The following ITGA9 variants were observed in gnomAD, a reference collection of about 807,000 sequenced individuals.
The protein encoded by ITGA9 is integrin subunit alpha 9, also known as integrin alpha-9.
In ITGA9, 56 loss-of-function variants were observed where a neutral mutation model predicts 127.8. That is an observed-to-expected ratio of 0.44 (90% confidence interval 0.35 to 0.55). ITGA9 has a LOEUF of 0.55. Ranked by LOEUF, ITGA9 falls within the 20% of genes least tolerant of loss-of-function variation. The pLI is 0.00. For missense variants in ITGA9, 1,196 were observed against 1,347.1 expected (o/e 0.89, Z 1.76); for synonymous variants, 508 against 514.5 (o/e 0.99, Z 0.17).
Position 37,822,271 on chromosome 3 carries a change from T to A in ITGA9, c.*3282T>A, listed in dbSNP as rs1021534589. On this transcript the variant is annotated 3_prime_UTR_variant, in exon 28 of 28. Coordinates refer to ENST00000264741, the MANE Select transcript of ITGA9 (RefSeq NM_002207.3). Reference sequence around the variant, plus strand: ...TCAGAGAACTGAAATGGTTTTTAAATATGAAAAAGGACCTTTGTAAAAATG... The same window carrying A: ...TCAGAGAACTGAAATGGTTTTTAAAAATGAAAAAGGACCTTTGTAAAAATG... 1 of 152,188 alleles carries A rather than the reference T, an allele frequency of 6.6e-6. No homozygotes were observed. Among genetic ancestry groups the A allele is most frequent in the East Asian group, 1.9e-4 (1 of 5,202 alleles). 9.4% of individuals were successfully genotyped at this position (152,188 alleles called of 1,614,324 possible).
chr3:37,654,184 C>T (rs1280868948), intron 17 of ITGA9, among the ~76,000 whole-genome samples: 1 of 130,126 alleles, frequency 7.7e-6, no homozygotes, highest in Non-Finnish European at 1.6e-5. Context: ...TTATGCCCTC[C>T]TGCCTCCACA....
intron 17 of ITGA9, among the ~76,000 whole-genome samples, chr3:37,655,081 C>T (rs748421307): frequency 2.4e-4 from 37 of 152,284 alleles, no homozygotes; most frequent in Middle Eastern, 3.4e-3. Flanking sequence ...TTTTCTTTAT[C>T]CAGTCTATCA....
intron 18 of ITGA9, among the ~76,000 whole-genome samples, chr3:37,699,552 G>C (rs1414429328): frequency 2.0e-5 from 3 of 152,124 alleles, no homozygotes; most frequent in South Asian, 2.1e-4. Context: ...CCTCATTATT[G>C]ATTGGCAATA....
At chr3:37,758,139 A>C (rs1696676775) in intron 23 of ITGA9, among the ~76,000 whole-genome samples, 1 of 150,112 alleles carries the variant, frequency 6.7e-6, no homozygotes. Context: ...CTGGCTAACA[A>C]GGTGAAACCC....
chr3:37,549,325 G>T (rs1699358284), intron 15 of ITGA9, among the ~76,000 whole-genome samples: 1 of 152,198 alleles, frequency 6.6e-6, no homozygotes, highest in Non-Finnish European at 1.5e-5. Flanking sequence ...AGCAAAGGAA[G>T]GCACAAAAAT....
At chr3:37,658,574 C>T (rs13071309) in intron 17 of ITGA9, among the ~76,000 whole-genome samples, 86,109 of 151,946 alleles carry the variant, frequency 0.57, 24,829 homozygotes, top group African/African-American at 0.67. Context: ...TGAGCCTATA[C>T]GTGTCTTTGC....
chr3:37,518,613 G>C (rs1411145257), intron 10 of ITGA9, among the ~76,000 whole-genome samples: 2 of 151,964 alleles, frequency 1.3e-5, no homozygotes, highest in Non-Finnish European at 2.9e-5. Flanking sequence ...TTACACAATA[G>C]CCATTGTCTA....
At chr3:37,759,958 G>A (rs1575225535) in intron 23 of ITGA9, among the ~76,000 whole-genome samples, 3 of 151,956 alleles carry the variant, frequency 2.0e-5, no homozygotes, top group Admixed American at 2.0e-4. Context: ...TGGGCACGGT[G>A]GCTCATGCCT....
intron 17 of ITGA9, among the ~76,000 whole-genome samples, chr3:37,660,680 A>T (rs1700525279): frequency 6.6e-6 from 1 of 152,212 alleles, no homozygotes; most frequent in Admixed American, 6.5e-5. Context: ...GCCACAAAAA[A>T]GGCTGAATAA....
chr3:37,788,856 A>G (rs1697071427), intron 26 of ITGA9, among the ~76,000 whole-genome samples: 1 of 152,062 alleles, frequency 6.6e-6, no homozygotes, highest in Non-Finnish European at 1.5e-5. Context: ...ATCCAGAGAA[A>G]TTGTTACTTT....
At chr3:37,736,738 T>C (rs543172228) in intron 19 of ITGA9, among the ~76,000 whole-genome samples, 166 bp from the exon 20 acceptor site, 46 of 152,320 alleles carry the variant, frequency 3.0e-4, no homozygotes, top group Non-Finnish European at 5.3e-4. Flanking sequence ...AGGCTTGGTT[T>C]TACTGTTAAA....
intron 15 of ITGA9, among the ~76,000 whole-genome samples, chr3:37,601,188 A>AGT (rs1699919427): frequency 1.3e-5 from 2 of 152,200 alleles, no homozygotes; most frequent in African/African-American, 4.8e-5. Flanking sequence ...AAGAGGGAAC[A>AGT]GTGGTTCCTT....
chr3:37,461,096 G>A (rs1698311817), intron 1 of ITGA9, among the ~76,000 whole-genome samples: 1 of 152,076 alleles, frequency 6.6e-6, no homozygotes, highest in Non-Finnish European at 1.5e-5. Context: ...GAGGGTCTTG[G>A]CACCTCTTTT....
At chr3:37,596,794 A>C (rs1331177015) in intron 15 of ITGA9, among the ~76,000 whole-genome samples, 1 of 152,110 alleles carries the variant, frequency 6.6e-6, no homozygotes, top group Non-Finnish European at 1.5e-5. Context: ...GCTCCAGGGA[A>C]CCTTCAGTGT....
intron 15 of ITGA9, among the ~76,000 whole-genome samples, chr3:37,578,470 T>C (rs1699674078): frequency 6.6e-6 from 1 of 152,202 alleles, no homozygotes; most frequent in South Asian, 2.1e-4. Context: ...ACAGCAGCTG[T>C]CCATCTTCAG....
chr3:37,588,866 C>G (rs538121380), intron 15 of ITGA9, among the ~76,000 whole-genome samples: 1 of 152,320 alleles, frequency 6.6e-6, no homozygotes, highest in Admixed American at 6.5e-5. Flanking sequence ...GTGCCCTGTC[C>G]TGCTCTTGCC....
chr3:37,514,024 T>C, intron 9 of ITGA9, 124 bp downstream of exon 9: 3 of 1,143,834 alleles, frequency 2.6e-6, no homozygotes, highest in Non-Finnish European at 3.9e-6. Flanking sequence ...GATGAAAATA[T>C]GTGATATCTG....
At chr3:37,471,251 C>A in intron 2 of ITGA9, 117 bp downstream of exon 2, 1 of 1,146,852 alleles carries the variant, frequency 8.7e-7, no homozygotes, top group Non-Finnish European at 1.3e-6. Flanking sequence ...TCCTTCCCTC[C>A]CTCCTTCTCT....
At chr3:37,634,669 C>T (rs1318896828) in intron 16 of ITGA9, among the ~76,000 whole-genome samples, 2 of 152,136 alleles carry the variant, frequency 1.3e-5, no homozygotes, top group African/African-American at 2.4e-5. Context: ...TTCAGTACCC[C>T]ACTTTCTGCA....
Sources: allele counts gnomAD v4.1 joint callset (sites outside exome capture counted in the v4.1 genomes callset), GRCh38; gene constraint gnomAD v4.1.1; transcripts MANE v1.5; gene names NCBI Gene and HGNC (gene_info 2026-07-23, HGNC 2026-07-21).